Variants in NBEAL1 observed in about 807,000 individuals in gnomAD.
The protein encoded by NBEAL1 is neurobeachin-like protein 1.
NBEAL1 carries 273 observed loss-of-function variants against 351.3 expected under a neutral mutation model. That is an observed-to-expected ratio of 0.78 (90% CI 0.70 to 0.86). NBEAL1 has a LOEUF of 0.86. Among genes scored for constraint, NBEAL1 ranks in the 40% least tolerant of loss-of-function variants. NBEAL1 has a pLI of 0.00. For missense variants in NBEAL1, 2,961 were observed against 3,201.3 expected, an observed-to-expected ratio of 0.92 and a Z score of 1.81; for synonymous variants, 1,050 against 1,086.4, an observed-to-expected ratio of 0.97 and a Z score of 0.66.
intron 2 of NBEAL1, among the ~76,000 whole-genome samples, chr2:203,028,037 C>T (rs925611130): frequency 1.3e-5 from 2 of 152,122 alleles, no homozygotes; most frequent in Non-Finnish European, 2.9e-5. Context: ...GCACGTGCCA[C>T]CACGCCTAGC....
At chr2:203,029,174 G>A (rs2060909368) in intron 2 of NBEAL1, among the ~76,000 whole-genome samples, 1 of 152,116 alleles carries the variant, frequency 6.6e-6, no homozygotes, top group Admixed American at 6.6e-5. Flanking sequence ...ACTTTTAGTA[G>A]AGATGAGGTT....
At chr2:203,133,777 A>G (rs1481246940) in intron 27 of NBEAL1, among the ~76,000 whole-genome samples, 1 of 151,156 alleles carries the variant, frequency 6.6e-6, no homozygotes, top group Non-Finnish European at 1.5e-5. Flanking sequence ...ATATACACAT[A>G]TATACACACA....
chr2:203,128,807 A>G (rs1220172801), intron 24 of NBEAL1, among the ~76,000 whole-genome samples: 2 of 151,878 alleles, frequency 1.3e-5, no homozygotes, highest in East Asian at 3.9e-4. Flanking sequence ...CATGTTGGCC[A>G]GGATGGTCTC....
At chr2:203,215,065 A>G (rs1272338480) in intron 55 of NBEAL1, among the ~76,000 whole-genome samples, 1 of 152,180 alleles carries the variant, frequency 6.6e-6, no homozygotes, top group Non-Finnish European at 1.5e-5. Context: ...ACCCTGGAAA[A>G]GCAACCATTA....
At chr2:203,093,105 G>A (rs2062099068) in intron 10 of NBEAL1, among the ~76,000 whole-genome samples, 1 of 151,782 alleles carries the variant, frequency 6.6e-6, no homozygotes, top group Admixed American at 6.6e-5. Flanking sequence ...GGTGGTACAT[G>A]CCTGTAGTCC....
chr2:203,130,369 A>G lies in NBEAL1; in HGVS notation c.3457A>G (p.Arg1153Gly), dbSNP rs1237688976. 2 of 1,532,868 alleles carry G rather than the reference A, an allele frequency of 1.3e-6. No individual in the cohort carries two copies. Among genetic ancestry groups the G allele is most frequent in the Non-Finnish European group, 1.8e-6 (2 of 1,140,318 alleles). The allele number at this position is 1,532,868 out of a possible 1,614,324, so 95.0% of individuals were successfully genotyped here. A position where few individuals can be genotyped will look rare whatever the true frequency, so the allele number is the denominator to read the frequency against. Residue 1153 changes from arginine to glycine, a missense_variant, in exon 25 of 56, where the codon AGA (arginine) becomes GGA (glycine). Physicochemically the swap from Arg to Gly is moderately radical, Grantham distance 125 (BLOSUM62 -2). Coordinates refer to ENST00000683969, the MANE Select transcript of NBEAL1 (RefSeq NM_001378026.1). ...CAGTCTCCTACGTACCAGCCCAACC[A>G]GAGGTCAGCTTTTCTTACTGCTTTT... ...LFSLLRTSPTRGQLFLLLFEP... is the reference protein window; with the variant it reads ...LFSLLRTSPTGGQLFLLLFEP...
chr2:203,127,951 G>T lies in NBEAL1; in HGVS notation c.3405+14G>T. Reference sequence around the variant, plus strand: ...GAAGAAGAACAGGTATTATGCCTAAGATACATCTACTTTTCCTTTTTAACA... The same window carrying T: ...GAAGAAGAACAGGTATTATGCCTAATATACATCTACTTTTCCTTTTTAACA... On this transcript the variant is annotated intron_variant, in intron 24 of 55. Coordinates refer to ENST00000683969, the MANE Select transcript of NBEAL1 (RefSeq NM_001378026.1). 6.5e-7 allele frequency: 1 copy of T among 1,538,366 alleles called. No individual in the cohort carries two copies. Among genetic ancestry groups the T allele is most frequent in the Non-Finnish European group, 8.8e-7 (1 of 1,137,984 alleles).
chr2:203,099,591 C>G (rs781299016), intron 11 of NBEAL1, 38 bp from the exon 12 acceptor site: 1 of 1,350,130 alleles, frequency 7.4e-7, no homozygotes, highest in Non-Finnish European at 1.0e-6. Flanking sequence ...ATCGTGAGCA[C>G]ATTTGTTAAT....
Position 203,014,893 on chromosome 2 carries a change from C to T in NBEAL1, c.-319C>T, listed in dbSNP as rs903354338. The T allele has an allele frequency of 2.0e-5, 3 of 152,516 alleles. No individual in the cohort carries two copies. Among genetic ancestry groups the T allele is most frequent in the African/African-American group, 7.2e-5 (3 of 41,458 alleles). The allele number at this position is 152,516 out of a possible 1,614,324, so 9.4% of individuals were successfully genotyped here. Reference sequence around the variant, plus strand: ...ATGTCCCGCCCGCTCGTCTGCCTGGCTGCGGGGTGACACGGGGCTTCGCCT... The same window carrying T: ...ATGTCCCGCCCGCTCGTCTGCCTGGTTGCGGGGTGACACGGGGCTTCGCCT... On this transcript the variant is annotated 5_prime_UTR_variant, in exon 1 of 56. Coordinates refer to ENST00000683969, the MANE Select transcript of NBEAL1 (RefSeq NM_001378026.1).
intron 12 of NBEAL1, among the ~76,000 whole-genome samples, chr2:203,105,145 T>C (rs1008185012): frequency 4.0e-5 from 6 of 151,378 alleles, no homozygotes; most frequent in African/African-American, 1.5e-4. Context: ...TGTGAGCCAC[T>C]GCACCCAGCC....
At chr2:203,119,488 C>T (rs2062781540) in intron 18 of NBEAL1, among the ~76,000 whole-genome samples, 1 of 128,950 alleles carries the variant, frequency 7.8e-6, no homozygotes, top group Non-Finnish European at 1.6e-5. Flanking sequence ...TGCAGTGGCG[C>T]AATCTTGGCT....
chr2:203,106,482 G>A (rs560890841), intron 12 of NBEAL1, among the ~76,000 whole-genome samples: 1 of 152,236 alleles, frequency 6.6e-6, no homozygotes, highest in South Asian at 2.1e-4. Flanking sequence ...ACTAGTTGCT[G>A]TACGATGGAA....
rs372497275 is a variant in NBEAL1 at position 203,114,716 on chromosome 2, A to G, written c.2507-1269A>G. ...TGGGATTGCCCACATTTCAGACTTT[A>G]TATTAGAACCTTATCTTTTCTTTTC... is the stretch of plus-strand genomic sequence containing the variant. On this transcript the variant is annotated intron_variant, in intron 17 of 55. Transcript: ENST00000683969. Among the ~76,000 whole-genome samples, 3 of 152,118 alleles carry G rather than the reference A, an allele frequency of 2.0e-5. No individual in the cohort carries two copies. In the South Asian group the frequency reaches 6.2e-4, roughly 32 times the overall value.
At chr2:203,174,551 C>G (rs185073856) in intron 41 of NBEAL1, among the ~76,000 whole-genome samples, 2 of 152,136 alleles carry the variant, frequency 1.3e-5, no homozygotes, top group East Asian at 3.9e-4. Flanking sequence ...TTTTGATTCT[C>G]TATTTTCTAA....
chr2:203,139,557 CTTTTTTTTTTTTTTT>C (rs370861737), intron 31 of NBEAL1, among the ~76,000 whole-genome samples: 19 of 67,664 alleles, frequency 2.8e-4, no homozygotes, highest in Non-Finnish European at 4.8e-4. Flanking sequence ...CCACCCCCAC[CTTTTTTTTTTTTTTT>C]TTTTTTTTTT....
intron 2 of NBEAL1, among the ~76,000 whole-genome samples, chr2:203,025,434 T>C (rs1315418096): frequency 6.6e-6 from 1 of 152,232 alleles, no homozygotes; most frequent in African/African-American, 2.4e-5. Context: ...GAACAATTAT[T>C]ATATCTGAAA....
At chr2:203,210,563 C>T (rs531837850) in intron 53 of NBEAL1, among the ~76,000 whole-genome samples, 26 of 151,998 alleles carry the variant, frequency 1.7e-4, no homozygotes, top group Admixed American at 3.3e-4. Context: ...ACTTGGGAGG[C>T]TGAGGCAGGA....
chr2:203,040,637 T>C (rs1232738750), intron 2 of NBEAL1: 5 of 663,876 alleles, frequency 7.5e-6, no homozygotes, highest in Non-Finnish European at 1.1e-5. Flanking sequence ...GAGGAGCACC[T>C]GGAGAAGTTT....
chr2:203,170,351 C>T (rs959101782), intron 39 of NBEAL1, among the ~76,000 whole-genome samples: 11 of 151,724 alleles, frequency 7.3e-5, no homozygotes, highest in African/African-American at 1.7e-4. Context: ...GCAGCCTGGG[C>T]GACAGAGCAA....
Sources: gnomAD v4.1 joint callset for allele counts (sites outside exome capture counted in the v4.1 genomes callset) on GRCh38, gnomAD v4.1.1 for gene constraint, MANE v1.5 for transcripts, NCBI Gene and HGNC (gene_info 2026-07-23, HGNC 2026-07-21) for gene names.